SLC26A7: variants seen among roughly 807,000 people sequenced by gnomAD.
The protein encoded by SLC26A7 is anion exchange transporter.
A neutral mutation model predicts 82.5 loss-of-function variants in SLC26A7; 59 were observed. That is an observed-to-expected ratio of 0.72 (90% CI 0.58 to 0.89). The LOEUF (loss-of-function observed/expected upper bound fraction) is 0.89, where lower values mean the gene tolerates loss of function less well. Among genes scored for constraint, SLC26A7 ranks in the 40% least tolerant of loss-of-function variants. The pLI, the probability that SLC26A7 is intolerant of heterozygous loss-of-function variation, is 0.00. For missense variants in SLC26A7, 820 were observed against 793.0 expected (o/e 1.03, Z -0.41); for synonymous variants, 271 against 274.3 (o/e 0.99, Z 0.12).
In SLC26A7 at chr8:91,263,064, A is replaced by G. The variant is rs1283675906; in HGVS notation, c.193+13220A>G. 3.3e-5 allele frequency among the ~76,000 whole-genome samples: 5 copies of G among 152,214 alleles called. No individual in the cohort carries two copies. In the East Asian group the frequency reaches 5.8e-4, roughly 18 times the overall value. Reference sequence around the variant, plus strand: ...ACCAATTCTATCTCAAGGTTTTTCAATTGCAACAAAGTGATTGGTAGTAAT... The same window carrying G: ...ACCAATTCTATCTCAAGGTTTTTCAGTTGCAACAAAGTGATTGGTAGTAAT... On this transcript the variant is annotated intron_variant, in intron 2 of 18. Coordinates refer to ENST00000276609, the MANE Select transcript of SLC26A7 (RefSeq NM_052832.4).
At chr8:91,219,077 A>T in intron 2 of SLC26A7, 2 of 660,622 alleles carry the variant, frequency 3.0e-6, no homozygotes, top group Non-Finnish European at 5.1e-6. Context: ...GCCCTACTTA[A>T]GATACCATGC....
At chr8:91,291,212 A>C (rs1586370144) in intron 3 of SLC26A7, among the ~76,000 whole-genome samples, 1 of 152,228 alleles carries the variant, frequency 6.6e-6, no homozygotes, top group East Asian at 1.9e-4. Context: ...TTTACATTGC[A>C]CGTGAAAAGA....
chr8:91,284,978 G>A (rs1331067740), intron 2 of SLC26A7, among the ~76,000 whole-genome samples: 1 of 152,190 alleles, frequency 6.6e-6, no homozygotes, highest in Non-Finnish European at 1.5e-5. Context: ...TGTGTAGGGT[G>A]ACCATAATAA....
chr8:91,272,236 A>T (rs190559435), intron 2 of SLC26A7, among the ~76,000 whole-genome samples: 19 of 152,266 alleles, frequency 1.2e-4, no homozygotes, highest in African/African-American at 4.6e-4. Context: ...CTCTAGGTGA[A>T]TATATAATTT....
chr8:91,330,141 C>A (rs1202644169), intron 5 of SLC26A7, among the ~76,000 whole-genome samples: 2 of 152,074 alleles, frequency 1.3e-5, no homozygotes, highest in African/African-American at 2.4e-5. Flanking sequence ...CTAGTGGGTT[C>A]TTTTGTTATT....
At chr8:91,352,781 C>T (rs926495748) in intron 10 of SLC26A7, 120 bp from the exon 11 acceptor site, 25 of 660,658 alleles carry the variant, frequency 3.8e-5, no homozygotes, top group Middle Eastern at 8.7e-4. Context: ...GTCTTCTAAT[C>T]GGTGATTGCT....
intron 11 of SLC26A7, among the ~76,000 whole-genome samples, chr8:91,354,361 A>T (rs947793861): frequency 6.6e-6 from 1 of 152,100 alleles, no homozygotes; most frequent in Non-Finnish European, 1.5e-5. Context: ...AGATACAGAG[A>T]TGAGTGTGAA....
At chr8:91,241,307 A>G (rs10113395) in intron 2 of SLC26A7, among the ~76,000 whole-genome samples, 10,802 of 140,870 alleles carry the variant, frequency 0.077, 599 homozygotes, top group African/African-American at 0.16. Flanking sequence ...AACTACGTAA[A>G]GAAAGATATT....
intron 2 of SLC26A7, among the ~76,000 whole-genome samples, chr8:91,220,728 A>G (rs1159350134): frequency 6.6e-6 from 1 of 152,180 alleles, no homozygotes; most frequent in Non-Finnish European, 1.5e-5. Flanking sequence ...TATATGTACC[A>G]TATTTTCTTT....
At position 91,219,247 on chromosome 8, in the gene SLC26A7, G is replaced by A. The variant is rs180737735; in HGVS notation, c.-34+242G>A. The A allele has an allele frequency of 1.6e-4, 47 of 300,978 alleles. 1 individual carries two copies. Among genetic ancestry groups the A allele is most frequent in the African/African-American group, 9.0e-4 (42 of 46,676 alleles). The allele number at this position is 300,978 out of a possible 1,614,324, so 18.6% of individuals were successfully genotyped here. On this transcript the variant is annotated intron_variant, in intron 2 of 5. Coordinates refer to the SLC26A7 transcript ENST00000522862. The stretch of plus-strand genomic sequence containing the variant: ...AAAAAATTGAAAAATAAAGATTTGT[G>A]TGGCAAGTGAGTTATTTTTTCCTGC...
intron 15 of SLC26A7, among the ~76,000 whole-genome samples, chr8:91,382,069 C>T (rs1179047464): frequency 2.0e-5 from 3 of 152,046 alleles, no homozygotes; most frequent in African/African-American, 7.2e-5. Flanking sequence ...TCCTATGAGT[C>T]AAAGTAGCCT....
intron 9 of SLC26A7, among the ~76,000 whole-genome samples, chr8:91,345,645 C>G (rs1813542678): frequency 6.6e-6 from 1 of 152,152 alleles, no homozygotes; most frequent in South Asian, 2.1e-4. Context: ...TGCAATGAGA[C>G]AGTTTTCTAG....
intron 2 of SLC26A7, among the ~76,000 whole-genome samples, chr8:91,235,401 A>T (rs1168565680): frequency 6.6e-6 from 1 of 152,232 alleles, no homozygotes; most frequent in Non-Finnish European, 1.5e-5. Flanking sequence ...AGAATCTGGT[A>T]TGCAGTTTCT....
At chr8:91,319,314 G>A (rs1812727422) in intron 5 of SLC26A7, among the ~76,000 whole-genome samples, 1 of 152,084 alleles carries the variant, frequency 6.6e-6, no homozygotes, top group Non-Finnish European at 1.5e-5. Flanking sequence ...ATTTCAATCT[G>A]AAAAGATGTA....
intron 3 of SLC26A7, among the ~76,000 whole-genome samples, chr8:91,292,964 A>G (rs1811914005): frequency 6.6e-6 from 1 of 152,242 alleles, no homozygotes; most frequent in African/African-American, 2.4e-5. Flanking sequence ...TGGAGACTAT[A>G]TAAGGCACTT....
chr8:91,370,232 T>TCTTTACTTCTTCCTCTTCCC (rs1299384142), intron 15 of SLC26A7, among the ~76,000 whole-genome samples: 3 of 151,530 alleles, frequency 2.0e-5, no homozygotes, highest in African/African-American at 7.3e-5. Context: ...TTCCTTTTTC[T>TCTTTACTTCTTCCTCTTCCC]CTTTACTTCT....
intron 5 of SLC26A7, among the ~76,000 whole-genome samples, chr8:91,333,373 A>G (rs1900809): frequency 0.64 from 96,656 of 152,010 alleles, 30,907 homozygotes; most frequent in South Asian, 0.69. Flanking sequence ...TATAACTTCA[A>G]GCAGGGCTGC....
chr8:91,330,771 C>G (rs1813059104), intron 5 of SLC26A7, among the ~76,000 whole-genome samples: 1 of 152,114 alleles, frequency 6.6e-6, no homozygotes, highest in Non-Finnish European at 1.5e-5. Context: ...TACAAATAAG[C>G]TCTTATGCAG....
chr8:91,377,889 C>T (rs547669538), intron 15 of SLC26A7, among the ~76,000 whole-genome samples: 1 of 152,208 alleles, frequency 6.6e-6, no homozygotes, highest in Admixed American at 6.5e-5. Flanking sequence ...CCTCAATATT[C>T]CATTTAGGAC....
Sources: allele counts gnomAD v4.1 joint callset (sites outside exome capture counted in the v4.1 genomes callset), GRCh38; gene constraint gnomAD v4.1.1; transcripts MANE v1.5; gene names NCBI Gene and HGNC (gene_info 2026-07-23, HGNC 2026-07-21).